The following RALGAPA2 variants were observed in gnomAD, a reference collection of about 807,000 sequenced individuals.
RALGAPA2 encodes the protein ral GTPase-activating protein subunit alpha-2.
A neutral mutation model predicts 230.4 loss-of-function variants in RALGAPA2; 139 were observed. The observed-to-expected ratio is 0.60, with a 90% CI of 0.53 to 0.69. The LOEUF (loss-of-function observed/expected upper bound fraction) is 0.69. Ranked by LOEUF, RALGAPA2 falls within the 30% of genes least tolerant of loss-of-function variation. The pLI is 0.00. For missense variants in RALGAPA2, 2,163 were observed against 2,276.0 expected (o/e 0.95, Z 1.01); for synonymous variants, 847 against 837.8 (o/e 1.01, Z -0.19).
At chr20:20,430,657 G>A (rs1257970236) in intron 37 of RALGAPA2, among the ~76,000 whole-genome samples, 1 of 152,150 alleles carries the variant, frequency 6.6e-6, no homozygotes, top group Non-Finnish European at 1.5e-5. Context: ...TATTAAAAAT[G>A]TCACTTGAGA....
intron 38 of RALGAPA2, among the ~76,000 whole-genome samples, chr20:20,411,284 T>A (rs1375565086): frequency 6.6e-6 from 1 of 152,210 alleles, no homozygotes; most frequent in Admixed American, 6.5e-5. Flanking sequence ...AATTTACAAG[T>A]AATAATTCTA....
At chr20:20,698,875 A>G (rs2069228969) in intron 1 of RALGAPA2, among the ~76,000 whole-genome samples, 1 of 152,282 alleles carries the variant, frequency 6.6e-6, no homozygotes, top group Admixed American at 6.5e-5. Context: ...GACTTTTCAG[A>G]AAGATTGTTC....
chr20:20,399,495 T>C (rs2059788717), intron 38 of RALGAPA2, among the ~76,000 whole-genome samples: 1 of 152,214 alleles, frequency 6.6e-6, no homozygotes, highest in Admixed American at 6.5e-5. Flanking sequence ...GGGACAGCCC[T>C]TAGCAGTTTA....
At chr20:20,422,477 G>A (rs1482405625) in intron 37 of RALGAPA2, among the ~76,000 whole-genome samples, 1 of 152,058 alleles carries the variant, frequency 6.6e-6, no homozygotes, top group Non-Finnish European at 1.5e-5. Context: ...AGGCTGAGGT[G>A]AGAGGATCGC....
At chr20:20,545,087 A>C (rs903493395) in intron 24 of RALGAPA2, among the ~76,000 whole-genome samples, 1 of 152,238 alleles carries the variant, frequency 6.6e-6, no homozygotes, top group Non-Finnish European at 1.5e-5. Flanking sequence ...TTTTTGAAAG[A>C]TGATGTGAAT....
intron 4 of RALGAPA2, among the ~76,000 whole-genome samples, chr20:20,645,986 G>T (rs2067202229): frequency 1.3e-5 from 2 of 150,892 alleles, no homozygotes; most frequent in Admixed American, 1.3e-4. Flanking sequence ...AGAAAAACAT[G>T]TGCAGTGGAG....
At chr20:20,666,051 T>C (rs562049211) in intron 3 of RALGAPA2, among the ~76,000 whole-genome samples, 22 of 152,312 alleles carry the variant, frequency 1.4e-4, no homozygotes, top group Admixed American at 4.6e-4. Flanking sequence ...AAGCCACAAG[T>C]ATGGCTGGCA....
chr20:20,501,214 A>G (rs2062366218), intron 35 of RALGAPA2, among the ~76,000 whole-genome samples: 1 of 152,220 alleles, frequency 6.6e-6, no homozygotes, highest in Non-Finnish European at 1.5e-5. Flanking sequence ...GAAACCAAAC[A>G]TTAACTTTTC....
In RALGAPA2 at chr20:20,514,386, GTC is replaced by G. The variant is rs1344743756; in HGVS notation, c.4085-1104_4085-1103del. Among the ~76,000 whole-genome samples the G allele has an allele frequency of 3.3e-5, 5 of 152,002 alleles. No homozygotes were observed. The East Asian group carries it at 9.7e-4, about 29-fold the overall frequency. On this transcript the variant is annotated intron_variant, in intron 31 of 39. Transcript: ENST00000202677. The stretch of plus-strand genomic sequence containing the variant: ...CCCTCTCTGCTTCATGCTTAGGCAG[GTC>G]TCCAGGCACTGAGAGCTCCTGCTTG...
At chr20:20,655,421 T>A (rs1366923856) in intron 3 of RALGAPA2, among the ~76,000 whole-genome samples, 1 of 152,148 alleles carries the variant, frequency 6.6e-6, no homozygotes. Flanking sequence ...CTTCATGGAA[T>A]GCTTCCTGGA....
chr20:20,529,315 T>C (rs1178545439), intron 27 of RALGAPA2, among the ~76,000 whole-genome samples: 2 of 152,212 alleles, frequency 1.3e-5, no homozygotes, highest in Non-Finnish European at 2.9e-5. Flanking sequence ...ATCTCCATGC[T>C]GTGCTGGGAT....
At chr20:20,633,056 C>T (rs2066736350) in intron 9 of RALGAPA2, among the ~76,000 whole-genome samples, 1 of 147,978 alleles carries the variant, frequency 6.8e-6, no homozygotes, top group Non-Finnish European at 1.5e-5. Context: ...TCCTTCCTTT[C>T]TTTCTTTTCT....
rs1452538063 is a variant in RALGAPA2, at chr20:20,630,371, TGTGA to T, written c.1006-785_1006-782del. On this transcript the variant is annotated intron_variant, in intron 9 of 39. Transcript: ENST00000202677. ...CCAAATACAACTAAAATTTACCCAC[TGTGA>T]GTATTTTTTACAAGAAGAGACAAGA... Among the ~76,000 whole-genome samples, 5 of 152,356 alleles carry T rather than the reference TGTGA, an allele frequency of 3.3e-5. No homozygotes were observed. The South Asian group carries it at 6.2e-4, about 19-fold the overall frequency.
chr20:20,599,179 A>G (rs1876128706), intron 16 of RALGAPA2, among the ~76,000 whole-genome samples: 1 of 152,216 alleles, frequency 6.6e-6, no homozygotes, highest in South Asian at 2.1e-4. Context: ...CAAAAAGACC[A>G]TGGTGAGAGA....
At chr20:20,461,698 C>T (rs940999539) in intron 37 of RALGAPA2, among the ~76,000 whole-genome samples, 7 of 152,290 alleles carry the variant, frequency 4.6e-5, no homozygotes, top group Admixed American at 3.9e-4. Flanking sequence ...ACTAATTTGC[C>T]TTTGAAAAGT....
rs2063481095 is a variant in RALGAPA2, at chr20:20,535,781, A to C, written c.3437T>G (p.Leu1146Arg). 6.5e-7 allele frequency: 1 copy of C among 1,548,020 alleles called. No homozygotes were observed. The highest frequency in any genetic ancestry group is 2.4e-5 in the East Asian group (1 of 40,848). The change falls in exon 26 of 40, where the codon CTG (leucine) becomes CGG (arginine). Residue 1146 changes from leucine to arginine, a missense_variant. By Grantham distance (102) the Leu-to-Arg change is moderately radical. Coordinates refer to ENST00000202677, the MANE Select transcript of RALGAPA2 (RefSeq NM_020343.4). ...DVKHYLINIL[L>R]KNATEEPNEY... is the part of the protein sequence containing the mutation. The stretch of plus-strand genomic sequence containing the variant: ...ATTTGGTTCTTCTGTGGCATTCTTC[A>C]GTAAAATATTTATGAGGTAATGCTA...
At chr20:20,438,657 C>G (rs2060667149) in intron 37 of RALGAPA2, among the ~76,000 whole-genome samples, 1 of 152,196 alleles carries the variant, frequency 6.6e-6, no homozygotes. Context: ...ACTGTCCAAT[C>G]TGGGTTTCTA....
chr20:20,521,002 G>A lies in RALGAPA2; in HGVS notation c.3999C>T (p.Phe1333=). ...AGCTCTTCACATTTGCCAGTGGCAG[G>A]AAGGGGTCATAATCCGTGGATGACA... ...ADLSSTDYDP[F]LPLANVKSSE... The change falls in exon 31 of 40, where the codon TTC becomes TTT. Residue 1333 remains phenylalanine (F), a synonymous_variant. Coordinates refer to ENST00000202677, the MANE Select transcript of RALGAPA2 (RefSeq NM_020343.4). 6.2e-7 allele frequency: 1 copy of A among 1,613,960 alleles called. No individual in the cohort carries two copies. Among genetic ancestry groups the A allele is most frequent in the Non-Finnish European group, 8.5e-7 (1 of 1,179,864 alleles).
intron 27 of RALGAPA2, among the ~76,000 whole-genome samples, chr20:20,530,032 A>C (rs923405567): frequency 3.9e-5 from 6 of 152,278 alleles, no homozygotes; most frequent in African/African-American, 1.4e-4. Flanking sequence ...TCTATAATTT[A>C]TAGCCAACTT....
Sources: allele counts gnomAD v4.1 joint callset (sites outside exome capture counted in the v4.1 genomes callset), GRCh38; gene constraint gnomAD v4.1.1; transcripts MANE v1.5; gene names NCBI Gene and HGNC (gene_info 2026-07-23, HGNC 2026-07-21).